OSBPL3: variants seen among roughly 807,000 people sequenced by gnomAD.
OSBPL3 encodes the protein oxysterol binding protein like 3, also known as oxysterol-binding protein-related protein 3.
Under a neutral mutation model 120.1 loss-of-function variants are expected in OSBPL3, and 65 were observed. The ratio of observed to expected loss-of-function variants is 0.54; its 90% CI spans 0.44 to 0.67. OSBPL3 has a LOEUF of 0.67. OSBPL3 is among the 30% of genes least tolerant of loss of function. The probability of loss-of-function intolerance (pLI) is 0.00; values close to 1 mark genes in which losing one functional copy is unlikely to be tolerated. For synonymous variants in OSBPL3, 416 were observed against 402.6 expected (o/e 1.03, Z -0.40); for missense variants, 1,004 against 1,082.1 (o/e 0.93, Z 1.01).
rs548417607 is a variant in OSBPL3, at chr7:24,946,049, T to A, written c.-150+33837A>T. On this transcript the variant is annotated intron_variant, in intron 1 of 22. Coordinates refer to ENST00000313367, the MANE Select transcript of OSBPL3 (RefSeq NM_015550.4). The surrounding 1 kb of genome is among the most constrained non-coding windows in gnomAD (Gnocchi z 4.3). ...GATGCCAGGTGGGGCTGGAGCTAGG[T>A]GGGGCTAGAGTCATCTGAAGGCTCA... 2.0e-5 allele frequency among the ~76,000 whole-genome samples: 3 copies of A among 152,224 alleles called. No individual in the cohort carries two copies. In the South Asian group the frequency reaches 6.2e-4, roughly 32 times the overall value.
chr7:24,905,670 G>A (rs940015569), intron 1 of OSBPL3, among the ~76,000 whole-genome samples: 1 of 152,126 alleles, frequency 6.6e-6, no homozygotes, highest in African/African-American at 2.4e-5. Context: ...ATACTGATGA[G>A]TGTGGGCTCC....
In OSBPL3 at chr7:24,937,259, T is replaced by C. The variant is rs1287425317; in HGVS notation, c.-150+42627A>G. On this transcript the variant is annotated intron_variant, in intron 1 of 22. Transcript: ENST00000313367. This position sits in a 1 kb window ranked among gnomAD's most constrained non-coding sequence, Gnocchi z 4.0. ...GAGGGAACCTCTCCCATAATTCAAT[T>C]TTCTCCCACCAGGTCCCTCCCACAA... 6.6e-6 allele frequency among the ~76,000 whole-genome samples: 1 copy of C among 152,158 alleles called. No homozygotes were observed. The highest frequency in any genetic ancestry group is 1.5e-5 in the Non-Finnish European group (1 of 68,028).
chr7:24,957,517 G>T (rs1815212678), intron 1 of OSBPL3, among the ~76,000 whole-genome samples: 1 of 152,150 alleles, frequency 6.6e-6, no homozygotes. Context: ...TAATAAACAT[G>T]TCTCCAATCA....
In OSBPL3 at chr7:24,816,590, A is replaced by C; in HGVS notation, c.2027+20T>G. 1 of 1,575,970 alleles carries C rather than the reference A, an allele frequency of 6.3e-7. No homozygotes were observed. The highest frequency in any genetic ancestry group is 8.7e-7 in the Non-Finnish European group (1 of 1,145,302). ...GCCCTAAATTCCATAAAGCTCCTTA[A>C]CCACAGAAGAAGAACTTACACTGGC... On this transcript the variant is annotated intron_variant, in intron 18 of 22. Transcript: ENST00000313367.
rs1038317503 is a variant in OSBPL3 at position 24,819,459 on chromosome 7, T to G, written c.1948+716A>C. Among the ~76,000 whole-genome samples the G allele has an allele frequency of 6.6e-6, 1 of 152,118 alleles. No individual in the cohort carries two copies. Among genetic ancestry groups the G allele is most frequent in the African/African-American group, 2.4e-5 (1 of 41,430 alleles). On this transcript the variant is annotated intron_variant, in intron 17 of 22. Transcript: ENST00000313367. This position sits in a 1 kb window ranked among gnomAD's most constrained non-coding sequence, Gnocchi z 4.1. Reference sequence around the variant, plus strand: ...GTCACTTTAAACTGGAAATACTGATTGCCTCCAAAGAGAGAAACTGAGTGG... The same window carrying G: ...GTCACTTTAAACTGGAAATACTGATGGCCTCCAAAGAGAGAAACTGAGTGG...
chr7:24,895,011 GA>G (rs1805925121), intron 1 of OSBPL3, among the ~76,000 whole-genome samples: 1 of 152,188 alleles, frequency 6.6e-6, no homozygotes, highest in Non-Finnish European at 1.5e-5. Flanking sequence ...GAAAGAAAGA[GA>G]GGGGACCCGC....
chr7:24,919,007 G>T (rs901443698), intron 1 of OSBPL3, among the ~76,000 whole-genome samples: 1 of 152,128 alleles, frequency 6.6e-6, no homozygotes, highest in Non-Finnish European at 1.5e-5. Flanking sequence ...TCATTTTATA[G>T]TTAAGAAACA....
In OSBPL3 at chr7:24,965,511, G is replaced by C. The variant is rs916658674; in HGVS notation, c.-150+14375C>G. On this transcript the variant is annotated intron_variant, in intron 1 of 22. Transcript: ENST00000313367. This position sits in a 1 kb window ranked among gnomAD's most constrained non-coding sequence, Gnocchi z 4.3. ...TAACCAGAATTCTCTGGTTCTTCTC[G>C]GAATCAGAATGGACTCCAGGCTGGT... Among the ~76,000 whole-genome samples, 10 of 152,236 alleles carry C rather than the reference G, an allele frequency of 6.6e-5. No individual in the cohort carries two copies. The highest frequency in any genetic ancestry group is 2.4e-4 in the African/African-American group (10 of 41,548).
rs1795017719 is a variant in OSBPL3 at position 24,820,700 on chromosome 7, C to A, written c.1885-462G>T. ...TTTAAATGCAACCCAAAATGTTCTT[C>A]CTCGGGCTCAGCCAATTTAACTCTT... On this transcript the variant is annotated intron_variant, in intron 16 of 22. Transcript: ENST00000313367. This position sits in a 1 kb window ranked among gnomAD's most constrained non-coding sequence, Gnocchi z 4.6. 6.6e-6 allele frequency among the ~76,000 whole-genome samples: 1 copy of A among 151,998 alleles called. No homozygotes were observed. Among genetic ancestry groups the A allele is most frequent in the Non-Finnish European group, 1.5e-5 (1 of 68,016 alleles).
intron 16 of OSBPL3, among the ~76,000 whole-genome samples, chr7:24,829,714 A>G (rs1796144015): frequency 6.6e-6 from 1 of 152,118 alleles, no homozygotes; most frequent in African/African-American, 2.4e-5. Context: ...GAGAGGGTGT[A>G]TTTTATTTTT....
chr7:24,949,057 C>T (rs919274051), intron 1 of OSBPL3, among the ~76,000 whole-genome samples: 2 of 152,186 alleles, frequency 1.3e-5, no homozygotes, highest in African/African-American at 4.8e-5. Flanking sequence ...AGGCGTATCT[C>T]ACCATGAAAA....
intron 2 of OSBPL3, among the ~76,000 whole-genome samples, chr7:24,886,151 T>C (rs578155053): frequency 5.9e-5 from 9 of 152,250 alleles, no homozygotes; most frequent in Non-Finnish European, 8.8e-5. Flanking sequence ...CCTATGCTAG[T>C]CTAGATGCTT....
chr7:24,846,684 G>A (rs1798484630), intron 12 of OSBPL3, among the ~76,000 whole-genome samples: 1 of 152,148 alleles, frequency 6.6e-6, no homozygotes, highest in Non-Finnish European at 1.5e-5. Context: ...GGCTGTGGGG[G>A]TAATTTCTGA....
chr7:24,832,117 G>A (rs1265561866), intron 15 of OSBPL3, among the ~76,000 whole-genome samples: 1 of 151,516 alleles, frequency 6.6e-6, no homozygotes, highest in Non-Finnish European at 1.5e-5. Flanking sequence ...AGAAGTGGGA[G>A]GACTGATTGA....
intron 1 of OSBPL3, among the ~76,000 whole-genome samples, chr7:24,979,577 G>A (rs1235455750): frequency 3.9e-5 from 6 of 152,034 alleles, no homozygotes; most frequent in African/African-American, 1.2e-4. Context: ...CGCGCGCCGC[G>A]TCCTCCCGCA....
chr7:24,838,340 CA>C lies in OSBPL3; in HGVS notation c.1495+2349del, dbSNP rs1336685115. Among the ~76,000 whole-genome samples the C allele has an allele frequency of 5.4e-3, 815 of 151,718 alleles. 12 individuals carry two copies. The highest frequency in any genetic ancestry group is 0.019 in the African/African-American group (782 of 41,134). On this transcript the variant is annotated intron_variant, in intron 14 of 22. Coordinates refer to ENST00000313367, the MANE Select transcript of OSBPL3 (RefSeq NM_015550.4). ...GTGAAACCCTGTTTCTATTAAAATACAAAAAATTAGCTGGGCATGATGGTGC... is the reference window on the plus strand; with the variant it reads ...GTGAAACCCTGTTTCTATTAAAATACAAAAATTAGCTGGGCATGATGGTGC...
Position 24,936,510 on chromosome 7 carries a change from A to C in OSBPL3, c.-150+43376T>G, listed in dbSNP as rs1303508760. Among the ~76,000 whole-genome samples, 3 of 152,228 alleles carry C rather than the reference A, an allele frequency of 2.0e-5. No homozygotes were observed. The highest frequency in any genetic ancestry group is 7.2e-5 in the African/African-American group (3 of 41,458). On this transcript the variant is annotated intron_variant, in intron 1 of 22. Coordinates refer to ENST00000313367, the MANE Select transcript of OSBPL3 (RefSeq NM_015550.4). The surrounding 1 kb of genome is among the most constrained non-coding windows in gnomAD (Gnocchi z 4.2). ...AAGTCCTGGGAGTATATGGAGAAGT[A>C]AACAGCCAATTCTGTCTAGGAGTGG...
In OSBPL3 at chr7:24,831,121, T is replaced by A. The variant is rs903731632; in HGVS notation, c.1747-216A>T. Among the ~76,000 whole-genome samples, 6 of 152,304 alleles carry A rather than the reference T, an allele frequency of 3.9e-5. No individual in the cohort carries two copies. In the East Asian group the frequency reaches 7.7e-4, roughly 20 times the overall value. On this transcript the variant is annotated intron_variant, in intron 15 of 22. Coordinates refer to ENST00000313367, the MANE Select transcript of OSBPL3 (RefSeq NM_015550.4). This position sits in a 1 kb window ranked among gnomAD's most constrained non-coding sequence, Gnocchi z 4.0. ...TAACCCAATGTTTTAAAGCTGTCCA[T>A]TTATCTTGATGCCTAAAAGTTGGGA...
Position 24,809,071 on chromosome 7 carries a change from A to AC in OSBPL3, c.2317+735dup, listed in dbSNP as rs534523590. Among the ~76,000 whole-genome samples the AC allele has an allele frequency of 3.8e-3, 570 of 150,938 alleles. 3 individuals carry two copies. The highest frequency in any genetic ancestry group is 0.017 in the Middle Eastern group (5 of 294). ...TTGCCTATGTAACAACCCTGGAGCC[A>AC]CCCCCCCCACTCACTTACTGTTGTG... On this transcript the variant is annotated intron_variant, in intron 20 of 22. Coordinates refer to ENST00000313367, the MANE Select transcript of OSBPL3 (RefSeq NM_015550.4).
Sources: gnomAD v4.1 joint callset for allele counts (sites outside exome capture counted in the v4.1 genomes callset) on GRCh38, gnomAD v4.1.1 for gene constraint, Gnocchi (gnomAD v3.1) non-coding constraint, MANE v1.5 for transcripts, NCBI Gene and HGNC (gene_info 2026-07-23, HGNC 2026-07-21) for gene names.